CDC42BPB: variants seen among roughly 807,000 people sequenced by gnomAD.
CDC42BPB encodes the protein serine/threonine-protein kinase MRCK beta.
Under a neutral mutation model 214.9 loss-of-function variants are expected in CDC42BPB, and 37 were observed. That is an observed-to-expected ratio of 0.17 (90% CI 0.13 to 0.23). The LOEUF (loss-of-function observed/expected upper bound fraction) is 0.23, where lower values mean the gene tolerates loss of function less well. Among genes scored for constraint, CDC42BPB ranks in the 10% least tolerant of loss-of-function variants. The pLI, the probability that CDC42BPB is intolerant of heterozygous loss-of-function variation, is 1.00. For synonymous variants in CDC42BPB, 931 were observed against 884.0 expected (o/e 1.05, Z -0.94); for missense variants, 1,694 against 2,227.0 (o/e 0.76, Z 4.82).
At chr14:102,977,766 C>T (rs898334818) in intron 9 of CDC42BPB, among the ~76,000 whole-genome samples, 1 of 152,012 alleles carries the variant, frequency 6.6e-6, no homozygotes, top group Non-Finnish European at 1.5e-5. Flanking sequence ...GAAATCTCAC[C>T]CCCCTGGCCT....
chr14:102,997,946 A>T (rs747330068), intron 5 of CDC42BPB, among the ~76,000 whole-genome samples: 2 of 152,218 alleles, frequency 1.3e-5, no homozygotes, highest in African/African-American at 4.8e-5. Flanking sequence ...AGAGTTCAAG[A>T]CCAGCCTGGC....
intron 4 of CDC42BPB, among the ~76,000 whole-genome samples, chr14:103,000,735 A>G (rs1894939941): frequency 2.0e-5 from 3 of 152,206 alleles, no homozygotes; most frequent in South Asian, 2.1e-4. Context: ...GAACCTAATC[A>G]TATCAGCTGC....
At chr14:102,933,891 G>T (rs775493204) in intron 36 of CDC42BPB, 48 bp from the exon 37 acceptor site, 1 of 1,468,554 alleles carries the variant, frequency 6.8e-7, no homozygotes. Context: ...CCTAGCCTGG[G>T]GAGGCACGCG....
At chr14:103,019,817 T>C (rs1012581963) in intron 1 of CDC42BPB, among the ~76,000 whole-genome samples, 5 of 152,182 alleles carry the variant, frequency 3.3e-5, no homozygotes, top group East Asian at 3.8e-4. Flanking sequence ...TAGAAAACAA[T>C]GGATTAATCA....
intron 1 of CDC42BPB, among the ~76,000 whole-genome samples, chr14:103,033,655 A>G (rs1887515024): frequency 6.6e-6 from 1 of 152,226 alleles, no homozygotes; most frequent in African/African-American, 2.4e-5. Flanking sequence ...AAAACTCAAG[A>G]GACTCCAAAA....
chr14:102,996,521 C>A (rs1475654993), intron 5 of CDC42BPB, among the ~76,000 whole-genome samples: 1 of 152,066 alleles, frequency 6.6e-6, no homozygotes, highest in Non-Finnish European at 1.5e-5. Flanking sequence ...AAAACCTATA[C>A]TAACTTATGG....
intron 24 of CDC42BPB, 24 bp downstream of exon 24, chr14:102,952,474 C>T (rs1260988417): frequency 6.6e-7 from 1 of 1,520,126 alleles, no homozygotes; most frequent in African/African-American, 1.4e-5. Flanking sequence ...GCACGCTGAC[C>T]CCAGGAGCTG....
chr14:102,988,860 A>AC (rs1268001734), intron 5 of CDC42BPB, among the ~76,000 whole-genome samples: 3 of 76,562 alleles, frequency 3.9e-5, no homozygotes, highest in Admixed American at 1.4e-4. Context: ...AAACAAAACA[A>AC]CCCCCCCTTC....
chr14:102,965,747 A>G (rs1408426658), intron 18 of CDC42BPB, among the ~76,000 whole-genome samples: 1 of 152,198 alleles, frequency 6.6e-6, no homozygotes, highest in Non-Finnish European at 1.5e-5. Flanking sequence ...ACCTGAGGTC[A>G]GGGGTTTGAG....
Position 102,945,301 on chromosome 14 carries a change from C to T in CDC42BPB, c.3811+361G>A, listed in dbSNP as rs34985466. On this transcript the variant is annotated intron_variant, in intron 29 of 36. Transcript: ENST00000361246. ...TGTGGAGCGGGTGCATGCCAGGATACCTTTGCCCTTCCTCGCTGGGAAGAC... is the reference window on the plus strand; with the variant it reads ...TGTGGAGCGGGTGCATGCCAGGATATCTTTGCCCTTCCTCGCTGGGAAGAC... 91 of 465,398 alleles carry T rather than the reference C, an allele frequency of 2.0e-4. No individual in the cohort carries two copies. The East Asian group carries it at 4.6e-3, about 24-fold the overall frequency. 28.8% of individuals were successfully genotyped at this position (465,398 alleles called of 1,614,324 possible).
chr14:103,032,359 AT>A (rs35561125), intron 1 of CDC42BPB, among the ~76,000 whole-genome samples: 21,666 of 151,232 alleles, frequency 0.14, 4,210 homozygotes, highest in African/African-American at 0.45. Context: ...AGAAATGCCT[AT>A]TTTTTTTTAC....
chr14:103,000,103 C>A (rs945199359), intron 4 of CDC42BPB, among the ~76,000 whole-genome samples: 5 of 152,148 alleles, frequency 3.3e-5, no homozygotes, highest in African/African-American at 1.2e-4. Context: ...CGACACCAGA[C>A]CAGAGAAGGG....
At chr14:103,023,704 T>G (rs540573730) in intron 1 of CDC42BPB, among the ~76,000 whole-genome samples, 71 of 152,284 alleles carry the variant, frequency 4.7e-4, no homozygotes, top group Non-Finnish European at 9.1e-4. Flanking sequence ...AAACTTTAGT[T>G]TTGACAAAGA....
rs1468791260 is a variant in CDC42BPB at position 102,986,495 on chromosome 14, C to A, written c.682G>T (p.Asp228Tyr). ...CCAACAAAAATACCTACAGTGCCAT[C>A]ATCATTCATCTTCAAACATGATCCA... Reference protein sequence around the residue: ...DFGSCLKMNDDGTVQSSVAVG... With the variant: ...DFGSCLKMNDYGTVQSSVAVG... Residue 228 changes from aspartate to tyrosine, a missense_variant, in exon 6 of 37, where the codon GAT (aspartate) becomes TAT (tyrosine). By Grantham distance (160) the Asp-to-Tyr change is radical (BLOSUM62 -3). Coordinates refer to ENST00000361246, the MANE Select transcript of CDC42BPB (RefSeq NM_006035.4). 1 of 1,612,756 alleles carries A rather than the reference C, an allele frequency of 6.2e-7. No homozygotes were observed. Among genetic ancestry groups the A allele is most frequent in the Non-Finnish European group, 8.5e-7 (1 of 1,178,912 alleles).
chr14:103,045,428 T>C (rs964500893), intron 1 of CDC42BPB, among the ~76,000 whole-genome samples: 3 of 152,096 alleles, frequency 2.0e-5, no homozygotes, highest in Non-Finnish European at 4.4e-5. Flanking sequence ...CAGCCCCACA[T>C]CACGTGGTCT....
intron 19 of CDC42BPB, among the ~76,000 whole-genome samples, chr14:102,963,522 C>T (rs34529050): frequency 0.012 from 1,822 of 152,334 alleles, 43 homozygotes; most frequent in African/African-American, 0.042. Context: ...AAGATGGTGG[C>T]TGCACCAAGA....
At chr14:102,983,958 G>A (rs1894122726) in intron 6 of CDC42BPB, 5 of 937,726 alleles carry the variant, frequency 5.3e-6, no homozygotes, top group African/African-American at 3.6e-5. Context: ...GGGAGGCTGA[G>A]GCCGGAGAAC....
intron 1 of CDC42BPB, among the ~76,000 whole-genome samples, chr14:103,025,085 TA>T (rs1886977557): frequency 6.6e-6 from 1 of 152,220 alleles, no homozygotes. Flanking sequence ...TTCTGCACAG[TA>T]AAATACCAGC....
chr14:103,029,874 A>G (rs1887267601), intron 1 of CDC42BPB, among the ~76,000 whole-genome samples: 1 of 151,528 alleles, frequency 6.6e-6, no homozygotes, highest in South Asian at 2.1e-4. Context: ...AAAAAAAAAA[A>G]AAAAAAAAAG....
Sources: allele counts gnomAD v4.1 joint callset (sites outside exome capture counted in the v4.1 genomes callset), GRCh38; gene constraint gnomAD v4.1.1; transcripts MANE v1.5; gene names NCBI Gene and HGNC (gene_info 2026-07-23, HGNC 2026-07-21).